PTPRT: variants seen among roughly 807,000 people sequenced by gnomAD.
PTPRT encodes the protein protein tyrosine phosphatase receptor type T, also known as receptor-type tyrosine-protein phosphatase T.
A neutral mutation model predicts 176.8 loss-of-function variants in PTPRT; 56 were observed. That is an observed-to-expected ratio of 0.32 (90% CI 0.26 to 0.40). The LOEUF is 0.40. Among genes scored for constraint, PTPRT ranks in the 10% least tolerant of loss-of-function variants. The pLI, the probability that PTPRT is intolerant of heterozygous loss-of-function variation, is 1.00. For synonymous variants in PTPRT, 783 were observed against 739.0 expected, an observed-to-expected ratio of 1.06 and a Z score of -0.96; for missense variants, 1,540 against 1,908.2, an observed-to-expected ratio of 0.81 and a Z score of 3.60.
chr20:42,241,237 G>A (rs1003944168), intron 14 of PTPRT, among the ~76,000 whole-genome samples: 2 of 152,150 alleles, frequency 1.3e-5, no homozygotes, highest in Admixed American at 6.5e-5. Context: ...AGTGAGGAGG[G>A]AAAGCAGGCA....
At chr20:42,434,392 G>A (rs1440862659) in intron 9 of PTPRT, among the ~76,000 whole-genome samples, 1 of 151,974 alleles carries the variant, frequency 6.6e-6, no homozygotes, top group African/African-American at 2.4e-5. Flanking sequence ...TAGGCACCGG[G>A]GATATACCTG....
chr20:42,362,207 C>T (rs145655918), intron 9 of PTPRT, among the ~76,000 whole-genome samples: 12 of 152,140 alleles, frequency 7.9e-5, no homozygotes, highest in African/African-American at 2.2e-4. Flanking sequence ...GTCGAGGCTG[C>T]GGTTAGGCAA....
At chr20:43,078,273 T>G (rs879672529) in intron 1 of PTPRT, among the ~76,000 whole-genome samples, 10 of 152,220 alleles carry the variant, frequency 6.6e-5, no homozygotes, top group Non-Finnish European at 1.2e-4. Context: ...TTGGCACCAG[T>G]GTCTTGTGAA....
intron 7 of PTPRT, among the ~76,000 whole-genome samples, chr20:42,586,892 C>G (rs1037349323): frequency 6.6e-6 from 1 of 152,190 alleles, no homozygotes; most frequent in Admixed American, 6.5e-5. Context: ...AACCTTCATG[C>G]ACCAAGCTGG....
intron 2 of PTPRT, among the ~76,000 whole-genome samples, chr20:42,854,270 C>T (rs1238422660): frequency 1.3e-5 from 2 of 152,150 alleles, no homozygotes; most frequent in African/African-American, 4.8e-5. Flanking sequence ...AGGCACCTTA[C>T]TAGGTACTGA....
chr20:42,132,378 T>C (rs1367757508), intron 18 of PTPRT, among the ~76,000 whole-genome samples: 8 of 151,968 alleles, frequency 5.3e-5, no homozygotes. Flanking sequence ...CATTAAGAAA[T>C]GAGAGGATAA....
At chr20:42,174,352 G>A (rs1990198218) in intron 16 of PTPRT, among the ~76,000 whole-genome samples, 1 of 150,766 alleles carries the variant, frequency 6.6e-6, no homozygotes, top group Non-Finnish European at 1.5e-5. Flanking sequence ...GAAAGACTGG[G>A]ATTAAATGAG....
chr20:42,813,274 T>A (rs2077727414), intron 2 of PTPRT, among the ~76,000 whole-genome samples: 1 of 152,172 alleles, frequency 6.6e-6, no homozygotes. Context: ...TTCTATAGAA[T>A]GAAGCAATTG....
At chr20:42,918,821 G>A (rs1978956007) in intron 1 of PTPRT, among the ~76,000 whole-genome samples, 1 of 152,026 alleles carries the variant, frequency 6.6e-6, no homozygotes, top group Non-Finnish European at 1.5e-5. Flanking sequence ...TTTTGTGTGT[G>A]TGTGTTCTGT....
At chr20:42,781,816 A>G (rs1007944840) in intron 3 of PTPRT, among the ~76,000 whole-genome samples, 2 of 152,234 alleles carry the variant, frequency 1.3e-5, no homozygotes, top group East Asian at 3.9e-4. Flanking sequence ...AGATATTTTC[A>G]ATCTTTATCT....
intron 9 of PTPRT, among the ~76,000 whole-genome samples, chr20:42,369,011 A>C: frequency 2.8e-5 from 4 of 142,502 alleles, no homozygotes; most frequent in East Asian, 2.1e-4. Context: ...CCTTTCCTTT[A>C]CCTTTTCCCC....
At chr20:42,058,961 T>C in the PTPRT span, among the ~76,000 whole-genome samples, 1 of 152,172 alleles carries the variant, frequency 6.6e-6, no homozygotes, top group Non-Finnish European at 1.5e-5. Flanking sequence ...TCAAGGAGGC[T>C]ACACACTAGA....
In PTPRT at chr20:42,359,614, C is replaced by T. The variant is rs150665178; in HGVS notation, c.1561-7329G>A. Among the ~76,000 whole-genome samples the T allele has an allele frequency of 7.9e-5, 12 of 152,338 alleles. No homozygotes were observed. In the East Asian group the frequency reaches 1.9e-3, roughly 25 times the overall value. Reference sequence around the variant, plus strand: ...GGCTGAAACTCTGACCCATCACTTACCAAGCTTTAAGCGACTGAAGCTCTA... The same window carrying T: ...GGCTGAAACTCTGACCCATCACTTATCAAGCTTTAAGCGACTGAAGCTCTA... On this transcript the variant is annotated intron_variant, in intron 9 of 30. Transcript: ENST00000373187.
At chr20:42,983,805 T>A (rs1442347248) in intron 1 of PTPRT, among the ~76,000 whole-genome samples, 1 of 152,238 alleles carries the variant, frequency 6.6e-6, no homozygotes, top group East Asian at 1.9e-4. Flanking sequence ...CAACCTAATG[T>A]TTTGTGTATA....
At position 42,811,120 on chromosome 20, in the gene PTPRT, A is replaced by G. The variant is rs563849605; in HGVS notation, c.215-19654T>C. ...TTTTTATTTTTAAAGAAGAAAGATT[A>G]CTTTATTGTTATTGGGAAATGATAC... On this transcript the variant is annotated intron_variant, in intron 2 of 30. Coordinates refer to ENST00000373187, the MANE Select transcript of PTPRT (RefSeq NM_007050.6). Among the ~76,000 whole-genome samples, 12 of 152,352 alleles carry G rather than the reference A, an allele frequency of 7.9e-5. No homozygotes were observed. In the South Asian group the frequency reaches 2.5e-3, roughly 32 times the overall value.
At chr20:42,208,110 C>T (rs1021419124) in intron 15 of PTPRT, among the ~76,000 whole-genome samples, 1 of 122,596 alleles carries the variant, frequency 8.2e-6, no homozygotes, top group East Asian at 2.1e-4. Flanking sequence ...TTTGTCACCA[C>T]CAGGCCTGCC....
At chr20:42,777,854 T>C (rs2146615) in intron 4 of PTPRT, among the ~76,000 whole-genome samples, 92,454 of 152,088 alleles carry the variant, frequency 0.61, 30,569 homozygotes, top group Non-Finnish European at 0.74. Flanking sequence ...TTTGTCCATA[T>C]AGTTAAGTGA....
chr20:42,391,272 G>A (rs1382341017), intron 9 of PTPRT, among the ~76,000 whole-genome samples: 1 of 152,174 alleles, frequency 6.6e-6, no homozygotes, highest in Non-Finnish European at 1.5e-5. Flanking sequence ...GAAAGGAGGA[G>A]GAGACTTTTG....
intron 18 of PTPRT, among the ~76,000 whole-genome samples, chr20:42,131,570 T>C (rs1988124097): frequency 6.6e-6 from 1 of 152,206 alleles, no homozygotes; most frequent in Non-Finnish European, 1.5e-5. Flanking sequence ...TTAAGTGTAC[T>C]TATGGATGAA....
Sources: allele counts gnomAD v4.1 joint callset (sites outside exome capture counted in the v4.1 genomes callset), GRCh38; gene constraint gnomAD v4.1.1; transcripts MANE v1.5; gene names NCBI Gene and HGNC (gene_info 2026-07-23, HGNC 2026-07-21).